Variants in DCAF1 observed in about 807,000 individuals in gnomAD.
The protein encoded by DCAF1 is DDB1- and CUL4-associated factor 1.
DCAF1 carries 15 observed loss-of-function variants against 128.0 expected under a neutral mutation model. The observed-to-expected ratio is 0.12, with a 90% confidence interval of 0.08 to 0.18. The LOEUF is 0.18. Among genes scored for constraint, DCAF1 ranks in the 10% least tolerant of loss-of-function variants. The pLI, the probability that DCAF1 is intolerant of heterozygous loss-of-function variation, is 1.00. For missense variants in DCAF1, 988 were observed against 1,649.5 expected (o/e 0.60, Z 6.95); for synonymous variants, 610 against 603.0 (o/e 1.01, Z -0.17).
Position 51,398,846 on chromosome 3 carries a change from G to A in DCAF1, c.4466-19C>T. ...CTGTCAGCTGAAAGGGAAGAAAAGGGAGAGACAAGATTACACACTAGGCTT... is the reference window on the plus strand; with the variant it reads ...CTGTCAGCTGAAAGGGAAGAAAAGGAAGAGACAAGATTACACACTAGGCTT... On this transcript the variant is annotated intron_variant, in intron 24 of 24. Coordinates refer to ENST00000684031, the MANE Select transcript of DCAF1 (RefSeq NM_001387579.1). 1.3e-6 allele frequency: 2 copies of A among 1,573,820 alleles called. No individual in the cohort carries two copies. The highest frequency in any genetic ancestry group is 2.3e-5 in the East Asian group (1 of 43,262).
intron 10 of DCAF1, among the ~76,000 whole-genome samples, chr3:51,432,308 A>G (rs1427020360): frequency 4.0e-5 from 6 of 150,268 alleles, no homozygotes; most frequent in Non-Finnish European, 5.9e-5. Flanking sequence ...GTAGCCAGGC[A>G]TGGTGGCACA....
intron 6 of DCAF1, among the ~76,000 whole-genome samples, chr3:51,462,488 G>A (rs1553644915): frequency 6.6e-6 from 1 of 152,102 alleles, no homozygotes; most frequent in African/African-American, 2.4e-5. Flanking sequence ...GCTCACGCCT[G>A]TAATGCCAGC....
At chr3:51,474,595 T>G (rs1477338892) in intron 3 of DCAF1, among the ~76,000 whole-genome samples, 3 of 151,872 alleles carry the variant, frequency 2.0e-5, no homozygotes, top group African/African-American at 7.2e-5. Flanking sequence ...TTGTTTTTTT[T>G]GTTGGTGATG....
chr3:51,467,161 A>G (rs1553646778), intron 4 of DCAF1, among the ~76,000 whole-genome samples: 1 of 151,972 alleles, frequency 6.6e-6, no homozygotes, highest in Non-Finnish European at 1.5e-5. Flanking sequence ...GCGAAATCCC[A>G]TCTCTACTAA....
intron 19 of DCAF1, 116 bp from the exon 20 acceptor site, chr3:51,414,159 C>A: frequency 7.5e-7 from 1 of 1,336,712 alleles, no homozygotes; most frequent in South Asian, 1.8e-5. Flanking sequence ...CTTTAAAAGT[C>A]AATGAGATCA....
intron 10 of DCAF1, among the ~76,000 whole-genome samples, chr3:51,431,538 AG>A (rs2107562402): frequency 6.7e-6 from 1 of 150,122 alleles, no homozygotes; most frequent in Non-Finnish European, 1.5e-5. Flanking sequence ...AAAAAAAAAA[AG>A]ATTATATATG....
chr3:51,413,734 T>C (rs544277541), intron 20 of DCAF1, among the ~76,000 whole-genome samples: 2 of 152,372 alleles, frequency 1.3e-5, no homozygotes, highest in Admixed American at 1.3e-4. Context: ...ATACAAGATT[T>C]CCTTGTTATC....
intron 13 of DCAF1, among the ~76,000 whole-genome samples, chr3:51,422,681 T>G (rs574001020): frequency 4.6e-5 from 7 of 152,314 alleles, no homozygotes; most frequent in African/African-American, 1.7e-4. Context: ...CATAGAATAA[T>G]CCTGAATCCT....
chr3:51,478,307 C>T (rs1390494401), intron 3 of DCAF1, among the ~76,000 whole-genome samples: 5 of 152,096 alleles, frequency 3.3e-5, no homozygotes, highest in East Asian at 3.9e-4. Flanking sequence ...GCCAGGCCTC[C>T]GTTAGTCTTA....
At position 51,470,760 on chromosome 3, in the gene DCAF1, T is replaced by C. The variant is rs1040425703; in HGVS notation, c.187+169A>G. ...CTCACTAGCTCCACCTTGAGCAACA[T>C]TTTAACAAATAAAAGGTCTTAAAAC... is the stretch of plus-strand genomic sequence containing the variant. On this transcript the variant is annotated intron_variant, in intron 4 of 24. Coordinates refer to ENST00000684031, the MANE Select transcript of DCAF1 (RefSeq NM_001387579.1). 2.0e-5 allele frequency among the ~76,000 whole-genome samples: 3 copies of C among 152,234 alleles called. No homozygotes were observed. In the East Asian group the frequency reaches 5.8e-4, roughly 29 times the overall value.
chr3:51,447,202 T>C (rs1701962102), intron 6 of DCAF1, among the ~76,000 whole-genome samples: 2 of 150,872 alleles, frequency 1.3e-5, no homozygotes, highest in South Asian at 2.1e-4. Context: ...AGGTCAGGAG[T>C]TCGAGACCAG....
chr3:51,489,526 T>C (rs1707371070), intron 2 of DCAF1, among the ~76,000 whole-genome samples: 1 of 151,854 alleles, frequency 6.6e-6, no homozygotes, highest in Admixed American at 6.6e-5. Context: ...AGGTGGCTCA[T>C]GCCTGTAATT....
chr3:51,414,511 ATTAT>A, intron 19 of DCAF1, 109 bp downstream of exon 19: 1 of 1,421,666 alleles, frequency 7.0e-7, no homozygotes, highest in Non-Finnish European at 9.4e-7. Flanking sequence ...CAGGCACCAT[ATTAT>A]TACCAGTGTG....
intron 4 of DCAF1, among the ~76,000 whole-genome samples, chr3:51,470,716 T>C (rs1553648123): frequency 6.6e-6 from 1 of 152,224 alleles, no homozygotes; most frequent in African/African-American, 2.4e-5. Context: ...TTCCAATTTT[T>C]TCCAGAAATT....
chr3:51,468,134 G>A (rs782622240), intron 4 of DCAF1, among the ~76,000 whole-genome samples: 25 of 152,264 alleles, frequency 1.6e-4, no homozygotes, highest in Non-Finnish European at 2.6e-4. Flanking sequence ...ATAGCCTAAC[G>A]ATAAAAGAAT....
In DCAF1 at chr3:51,485,885, ATTTTTTTTTT is replaced by A. The variant is rs10536057; in HGVS notation, c.-8-2059_-8-2050del. Among the ~76,000 whole-genome samples, 8 of 136,802 alleles carry A rather than the reference ATTTTTTTTTT, an allele frequency of 5.8e-5. No homozygotes were observed. The East Asian group carries it at 6.3e-4, about 11-fold the overall frequency. The allele number at this position is 136,802 out of a possible 152,430, so 89.7% of individuals were successfully genotyped here. A position where few individuals can be genotyped will look rare whatever the true frequency, so the allele number is the denominator to read the frequency against. On this transcript the variant is annotated intron_variant, in intron 2 of 24. Coordinates refer to ENST00000684031, the MANE Select transcript of DCAF1 (RefSeq NM_001387579.1). ...TTGAACAAAATCAAAAAGATTATTT[ATTTTTTTTTT>A]TTTTTTTTTTTTTTTGAGGCAGAGT...
At chr3:51,502,462 T>C (rs981648755), upstream of DCAF1, among the ~76,000 whole-genome samples, 2 of 151,772 alleles carry the variant, frequency 1.3e-5, no homozygotes, top group African/African-American at 2.4e-5. Context: ...GAGGCTGAGG[T>C]GGGAGGATTG....
intron 2 of DCAF1, among the ~76,000 whole-genome samples, chr3:51,488,776 C>A (rs1707275544): frequency 6.6e-6 from 1 of 151,890 alleles, no homozygotes; most frequent in South Asian, 2.1e-4. Context: ...GCACTCCAGC[C>A]TAGGTGACAG....
At chr3:51,504,141 A>G (rs1367743479), upstream of DCAF1, among the ~76,000 whole-genome samples, 2 of 149,532 alleles carry the variant, frequency 1.3e-5, no homozygotes, top group Non-Finnish European at 3.0e-5. Flanking sequence ...GGTTCAGGCC[A>G]TTCTCCTTCC....
Sources: gnomAD v4.1 joint callset for allele counts (sites outside exome capture counted in the v4.1 genomes callset) on GRCh38, gnomAD v4.1.1 for gene constraint, MANE v1.5 for transcripts, NCBI Gene and HGNC (gene_info 2026-07-23, HGNC 2026-07-21) for gene names.